The following AFAP1 variants were observed in gnomAD, a reference collection of about 807,000 sequenced individuals.
AFAP1 encodes the protein actin filament-associated protein 1.
Under a neutral mutation model 93.9 loss-of-function variants are expected in AFAP1, and 75 were observed. The ratio of observed to expected loss-of-function variants is 0.80; its 90% CI spans 0.66 to 0.97. AFAP1 has a LOEUF of 0.97. Ranked by LOEUF, AFAP1 falls within the 50% of genes least tolerant of loss-of-function variation. The probability of loss-of-function intolerance (pLI) is 0.00; values close to 1 mark genes in which losing one functional copy is unlikely to be tolerated. For missense variants in AFAP1, 1,201 were observed against 1,050.8 expected (o/e 1.14, Z -1.98); for synonymous variants, 517 against 430.7 (o/e 1.20, Z -2.48).
At chr4:7,794,284 G>GC (rs1044400840) in intron 10 of AFAP1, among the ~76,000 whole-genome samples, 1 of 152,126 alleles carries the variant, frequency 6.6e-6, no homozygotes, top group African/African-American at 2.4e-5. Flanking sequence ...CCCTGGGTGA[G>GC]CCCCCCTACA....
chr4:7,937,731 C>A (rs1227752560), intron 1 of AFAP1, among the ~76,000 whole-genome samples: 1 of 152,220 alleles, frequency 6.6e-6, no homozygotes. Context: ...AAATGATCCG[C>A]CTGCCTCGAC....
chr4:7,774,965 G>A lies in AFAP1; in HGVS notation c.1898-62C>T, dbSNP rs990206570. 83 of 1,565,742 alleles carry A rather than the reference G, an allele frequency of 5.3e-5. 1 individual carries two copies. Among genetic ancestry groups the A allele is most frequent in the Admixed American group, 1.5e-4 (8 of 53,346 alleles). ...TTTACTAGCCTGGGAAATATGGGAC[G>A]ATCCCTTCTCCACAAAAAATACAAA... On this transcript the variant is annotated intron_variant, in intron 14 of 17. Coordinates refer to ENST00000420658, the MANE Select transcript of AFAP1 (RefSeq NM_001134647.2).
chr4:7,758,985 A>G lies in AFAP1; in HGVS notation c.*4780T>C, dbSNP rs942993091. ...CTACTAACATATTTAATTTAAAAAA[A>G]TCTTTGCTGTTTCTTTGCCTGTTTC... is the stretch of plus-strand genomic sequence containing the variant. On this transcript the variant is annotated 3_prime_UTR_variant, in exon 18 of 18. Transcript: ENST00000420658. 1 of 152,538 alleles carries G rather than the reference A, an allele frequency of 6.6e-6. No individual in the cohort carries two copies. Among genetic ancestry groups the G allele is most frequent in the Non-Finnish European group, 1.5e-5 (1 of 68,050 alleles). The allele number at this position is 152,538 out of a possible 1,614,324, so 9.4% of individuals were successfully genotyped here.
chr4:7,824,704 C>T (rs1238276804), intron 6 of AFAP1, among the ~76,000 whole-genome samples: 3 of 152,012 alleles, frequency 2.0e-5, no homozygotes, highest in East Asian at 1.9e-4. Context: ...AATGCCTACA[C>T]GTGAATGGAG....
chr4:7,816,469 C>G (rs1033356416), intron 7 of AFAP1, among the ~76,000 whole-genome samples: 2 of 152,152 alleles, frequency 1.3e-5, no homozygotes, highest in African/African-American at 4.8e-5. Context: ...AGTAAATATT[C>G]CATAGTCCAT....
chr4:7,890,962 T>A (rs1718436849), intron 1 of AFAP1, among the ~76,000 whole-genome samples: 1 of 152,104 alleles, frequency 6.6e-6, no homozygotes, highest in Non-Finnish European at 1.5e-5. Flanking sequence ...ATAAAAACAA[T>A]GGCAGCTTTC....
intron 1 of AFAP1, among the ~76,000 whole-genome samples, chr4:7,873,814 A>G (rs552579274): frequency 1.3e-5 from 2 of 152,302 alleles, no homozygotes; most frequent in African/African-American, 4.8e-5. Context: ...TACTGGAGAG[A>G]GTGAATGACA....
intron 1 of AFAP1, among the ~76,000 whole-genome samples, chr4:7,908,860 GC>G (rs956177199): frequency 1.3e-5 from 2 of 152,180 alleles, no homozygotes; most frequent in Admixed American, 6.6e-5. Flanking sequence ...AAGCTTTGAT[GC>G]CCCAGTACCA....
At chr4:7,810,223 G>A (rs1409642614) in intron 8 of AFAP1, among the ~76,000 whole-genome samples, 2 of 152,164 alleles carry the variant, frequency 1.3e-5, no homozygotes, top group Non-Finnish European at 2.9e-5. Context: ...CTAGATGCTG[G>A]GATTTCAGCA....
In AFAP1 at chr4:7,939,341, T is replaced by C. The variant is rs1488271681; in HGVS notation, c.-3+315A>G. 9.4e-6 allele frequency: 3 copies of C among 319,516 alleles called. No individual in the cohort carries two copies. The highest frequency in any genetic ancestry group is 1.9e-5 in the Non-Finnish European group (3 of 160,932). The allele number at this position is 319,516 out of a possible 1,614,324, so 19.8% of individuals were successfully genotyped here. On this transcript the variant is annotated intron_variant, in intron 1 of 17. Transcript: ENST00000420658. This position sits in a 1 kb window ranked among gnomAD's most constrained non-coding sequence, Gnocchi z 5.6. The stretch of plus-strand genomic sequence containing the variant: ...GAGTGGGTCTTCGCAGGGCCCCCTC[T>C]GACGCACACGGGGACCAGCCACGCC...
chr4:7,803,514 TGATCCCCAACCACAGGGGACCCGGCCCC>T (rs1384031686), intron 9 of AFAP1, among the ~76,000 whole-genome samples: 7 of 151,472 alleles, frequency 4.6e-5, no homozygotes, highest in African/African-American at 1.2e-4. Context: ...GGACCGGCCC[TGATCCCCAACCACAGGGGACCCGGCCCC>T]GATCCCCAAC....
At chr4:7,826,916 C>T (rs1721476683) in intron 6 of AFAP1, among the ~76,000 whole-genome samples, 2 of 152,134 alleles carry the variant, frequency 1.3e-5, no homozygotes, top group Non-Finnish European at 2.9e-5. Flanking sequence ...ACAGAGGCAG[C>T]CCAAGAGCTG....
chr4:7,887,112 A>G (rs1257713308), intron 1 of AFAP1, among the ~76,000 whole-genome samples: 1 of 152,214 alleles, frequency 6.6e-6, no homozygotes, highest in Non-Finnish European at 1.5e-5. Flanking sequence ...ACCCTTCCAG[A>G]GGCAGCTTTA....
chr4:7,934,895 C>G (rs1403391820), intron 1 of AFAP1, among the ~76,000 whole-genome samples: 1 of 152,190 alleles, frequency 6.6e-6, no homozygotes, highest in Non-Finnish European at 1.5e-5. Flanking sequence ...TCATTTTTTA[C>G]ACGGGAATGT....
chr4:7,923,502 T>C (rs543212264), intron 1 of AFAP1, among the ~76,000 whole-genome samples: 7 of 152,258 alleles, frequency 4.6e-5, no homozygotes, highest in African/African-American at 1.2e-4. Flanking sequence ...TTATTTGAGA[T>C]GGAGTCTCGC....
At chr4:7,784,952 C>A (rs1215124322) in intron 12 of AFAP1, among the ~76,000 whole-genome samples, 1 of 152,140 alleles carries the variant, frequency 6.6e-6, no homozygotes, top group Non-Finnish European at 1.5e-5. Flanking sequence ...GTCTGAAATA[C>A]CTTCCAAGTC....
At chr4:7,847,404 TC>T (rs1713835195) in intron 4 of AFAP1, among the ~76,000 whole-genome samples, 1 of 137,280 alleles carries the variant, frequency 7.3e-6, no homozygotes, top group Non-Finnish European at 1.6e-5. Flanking sequence ...CTTAGCAGTG[TC>T]CCAATCAAGA....
chr4:7,849,811 T>TG (rs1714229215), intron 4 of AFAP1, among the ~76,000 whole-genome samples: 1 of 152,290 alleles, frequency 6.6e-6, no homozygotes, highest in Admixed American at 6.5e-5. Flanking sequence ...CTTTTCTACT[T>TG]GCGATTCTTA....
chr4:7,896,354 G>C (rs1284042947), intron 1 of AFAP1, among the ~76,000 whole-genome samples: 1 of 151,996 alleles, frequency 6.6e-6, no homozygotes, highest in Non-Finnish European at 1.5e-5. Context: ...ACTGAACACC[G>C]ACATGACGAA....
Sources: allele counts gnomAD v4.1 joint callset (sites outside exome capture counted in the v4.1 genomes callset), GRCh38; gene constraint gnomAD v4.1.1; non-coding constraint Gnocchi (gnomAD v3.1); transcripts MANE v1.5; gene names NCBI Gene and HGNC (gene_info 2026-07-23, HGNC 2026-07-21).